PID1: variants seen among roughly 807,000 people sequenced by gnomAD.
PID1 encodes the protein phosphotyrosine interaction domain containing 1, also known as PTB-containing, cubilin and LRP1-interacting protein.
In PID1, 10 loss-of-function variants were observed where a neutral mutation model predicts 19.1. The observed-to-expected ratio is 0.52, with a 90% CI of 0.32 to 0.89. The LOEUF is 0.89. PID1 is among the 40% of genes least tolerant of loss of function. The pLI, the probability that PID1 is intolerant of heterozygous loss-of-function variation, is 0.03. For synonymous variants in PID1, 130 were observed against 116.0 expected (o/e 1.12, Z -0.78); for missense variants, 248 against 285.3 (o/e 0.87, Z 0.94).
At chr2:229,161,670 G>A (rs16825789) in intron 1 of PID1, among the ~76,000 whole-genome samples, 3,111 of 152,114 alleles carry the variant, frequency 0.02, 111 homozygotes, top group African/African-American at 0.068. Context: ...TAGGTATTAC[G>A]GTCCCCAGGT....
At chr2:229,082,497 A>C (rs1388337645) in intron 2 of PID1, among the ~76,000 whole-genome samples, 2 of 152,226 alleles carry the variant, frequency 1.3e-5, no homozygotes, top group Non-Finnish European at 2.9e-5. Flanking sequence ...GGGTTTAATC[A>C]TATGAATTTT....
chr2:229,244,454 G>T (rs910242689), intron 1 of PID1, among the ~76,000 whole-genome samples: 1 of 152,086 alleles, frequency 6.6e-6, no homozygotes, highest in African/African-American at 2.4e-5. Context: ...AAATATTCAT[G>T]ACCCTATTTT....
intron 2 of PID1, among the ~76,000 whole-genome samples, chr2:229,130,598 C>T (rs1371838904): frequency 2.6e-5 from 4 of 152,152 alleles, no homozygotes; most frequent in Non-Finnish European, 5.9e-5. Flanking sequence ...CTAGTTGAAG[C>T]TGGTGACTAT....
intron 2 of PID1, among the ~76,000 whole-genome samples, chr2:229,155,498 AGGAG>A (rs899507613): frequency 1.0e-4 from 15 of 150,396 alleles, no homozygotes; most frequent in African/African-American, 3.4e-4. Flanking sequence ...ATGTGAACCC[AGGAG>A]GCGGAGCTTG....
intron 1 of PID1, among the ~76,000 whole-genome samples, chr2:229,225,648 T>G (rs1692063052): frequency 6.6e-6 from 1 of 152,102 alleles, no homozygotes; most frequent in Non-Finnish European, 1.5e-5. Context: ...AAGACATACA[T>G]GGGACTGGGT....
intron 1 of PID1, among the ~76,000 whole-genome samples, chr2:229,234,646 G>A (rs1692285574): frequency 6.6e-6 from 1 of 152,178 alleles, no homozygotes; most frequent in Non-Finnish European, 1.5e-5. Flanking sequence ...AGAGCAGTAA[G>A]GGAAACTAAT....
chr2:229,267,107 G>A (rs754390427), intron 1 of PID1, among the ~76,000 whole-genome samples: 7 of 152,214 alleles, frequency 4.6e-5, no homozygotes, highest in Non-Finnish European at 8.8e-5. Context: ...ATCCTCAGAG[G>A]AGGACTTTGG....
At chr2:229,200,381 A>G (rs1691473167) in intron 1 of PID1, among the ~76,000 whole-genome samples, 1 of 152,014 alleles carries the variant, frequency 6.6e-6, no homozygotes, top group Admixed American at 6.6e-5. Context: ...AAGGCACTGA[A>G]AAAACAGTAT....
intron 1 of PID1, among the ~76,000 whole-genome samples, chr2:229,188,047 G>A (rs1473468389): frequency 6.6e-6 from 1 of 152,072 alleles, no homozygotes; most frequent in Non-Finnish European, 1.5e-5. Flanking sequence ...TAAACCCATA[G>A]TTACCCTCAT....
rs750129687 is a variant in PID1, at chr2:229,232,053, A to G, written c.30+38961T>C. On this transcript the variant is annotated intron_variant, in intron 1 of 2. Transcript: ENST00000392055. Reference sequence around the variant, plus strand: ...TGGAAGGCTAAGGGGCAGGCTGAACATGGCACGAAGCCTCTTGTACAAGGC... The same window carrying G: ...TGGAAGGCTAAGGGGCAGGCTGAACGTGGCACGAAGCCTCTTGTACAAGGC... 2.6e-6 allele frequency: 4 copies of G among 1,541,798 alleles called. No individual in the cohort carries two copies. In the South Asian group the frequency reaches 3.6e-5, roughly 14 times the overall value.
intron 2 of PID1, among the ~76,000 whole-genome samples, chr2:229,049,663 C>T (rs1693951552): frequency 6.6e-6 from 1 of 152,128 alleles, no homozygotes; most frequent in African/African-American, 2.4e-5. Context: ...GTTCTCATTT[C>T]TATCCCAAGT....
intron 1 of PID1, chr2:229,231,946 T>A (rs1692218541): frequency 6.4e-7 from 1 of 1,550,390 alleles, no homozygotes; most frequent in Non-Finnish European, 8.7e-7. Flanking sequence ...GCTAGGAAGA[T>A]CATGATCAAG....
intron 1 of PID1, among the ~76,000 whole-genome samples, chr2:229,184,395 C>A (rs12151385): frequency 1.0e-4 from 5 of 48,734 alleles, no homozygotes; most frequent in Non-Finnish European, 1.5e-4. Flanking sequence ...CCGTATATAT[C>A]TATCCCGTAT....
chr2:229,079,286 T>C (rs1402960299), intron 2 of PID1, among the ~76,000 whole-genome samples: 1 of 152,188 alleles, frequency 6.6e-6, no homozygotes, highest in Non-Finnish European at 1.5e-5. Context: ...TGCTATATGG[T>C]TTGTTTTATT....
intron 2 of PID1, among the ~76,000 whole-genome samples, chr2:229,153,178 C>A (rs1036151656): frequency 1.3e-5 from 2 of 152,160 alleles, no homozygotes; most frequent in Non-Finnish European, 2.9e-5. Context: ...AAACTCAGAA[C>A]ACAAAAGTGA....
rs1331286130 is a variant in PID1, at chr2:229,218,268, C to T, written c.30+52746G>A. Among the ~76,000 whole-genome samples, 9 of 105,754 alleles carry T rather than the reference C, an allele frequency of 8.5e-5. No individual in the cohort carries two copies. The Admixed American group carries it at 9.6e-4, about 11-fold the overall frequency. 69.4% of individuals were successfully genotyped at this position (105,754 alleles called of 152,430 possible). On this transcript the variant is annotated intron_variant, in intron 1 of 2. Transcript: ENST00000392055. The stretch of plus-strand genomic sequence containing the variant: ...ATGAATTTTTTATCACTTGAAATAA[C>T]TTCTCTACAATTTTGTTTCCTGAGC...
At chr2:229,240,811 T>G (rs1689848151) in intron 1 of PID1, among the ~76,000 whole-genome samples, 1 of 152,154 alleles carries the variant, frequency 6.6e-6, no homozygotes. Context: ...CATGTGCCAG[T>G]CTTTTTCTTG....
At chr2:229,138,294 C>T (rs144462542) in intron 2 of PID1, among the ~76,000 whole-genome samples, 274 of 152,296 alleles carry the variant, frequency 1.8e-3, no homozygotes, top group African/African-American at 6.4e-3. Flanking sequence ...TCTAAAAACA[C>T]TCAGTGCTTA....
chr2:229,109,305 G>A (rs943374245), intron 2 of PID1, among the ~76,000 whole-genome samples: 1 of 152,054 alleles, frequency 6.6e-6, no homozygotes, highest in Non-Finnish European at 1.5e-5. Flanking sequence ...AGAAACCCCC[G>A]AGTTCTAATA....
Sources: gnomAD v4.1 joint callset for allele counts (sites outside exome capture counted in the v4.1 genomes callset) on GRCh38, gnomAD v4.1.1 for gene constraint, MANE v1.5 for transcripts, NCBI Gene and HGNC (gene_info 2026-07-23, HGNC 2026-07-21) for gene names.